Variants in DOCK4 observed in about 807,000 individuals in gnomAD.
DOCK4 encodes the protein dedicator of cytokinesis protein 4.
Under a neutral mutation model 268.1 loss-of-function variants are expected in DOCK4, and 97 were observed. The ratio of observed to expected loss-of-function variants is 0.36; its 90% CI spans 0.31 to 0.43. The LOEUF (loss-of-function observed/expected upper bound fraction) is 0.43. Ranked by LOEUF, DOCK4 falls within the 20% of genes least tolerant of loss-of-function variation. The probability of loss-of-function intolerance (pLI) is 1.00; values close to 1 mark genes in which losing one functional copy is unlikely to be tolerated. For missense variants in DOCK4, 2,145 were observed against 2,455.7 expected (o/e 0.87, Z 2.67); for synonymous variants, 954 against 887.2 (o/e 1.08, Z -1.34).
At chr7:111,842,816 G>C (rs889741363) in intron 25 of DOCK4, among the ~76,000 whole-genome samples, 1 of 152,154 alleles carries the variant, frequency 6.6e-6, no homozygotes, top group African/African-American at 2.4e-5. Context: ...ACCTCACCCA[G>C]CAGTAACAAG....
intron 1 of DOCK4, among the ~76,000 whole-genome samples, chr7:112,181,991 A>G: frequency 6.6e-6 from 1 of 152,170 alleles, no homozygotes; most frequent in East Asian, 1.9e-4. Context: ...AATCTTTTTT[A>G]CCTTTTGAAT....
chr7:112,035,058 A>T (rs182040822), intron 1 of DOCK4, among the ~76,000 whole-genome samples: 6 of 152,292 alleles, frequency 3.9e-5, no homozygotes, highest in African/African-American at 1.4e-4. Flanking sequence ...GTCAACCCAG[A>T]CCCAGGACCC....
chr7:112,162,196 T>A (rs1262500528), intron 1 of DOCK4, among the ~76,000 whole-genome samples: 1 of 151,632 alleles, frequency 6.6e-6, no homozygotes, highest in Non-Finnish European at 1.5e-5. Flanking sequence ...TCTGGAGGAG[T>A]GGTTTCCTGA....
At chr7:111,840,225 C>T (rs2134056468) in intron 25 of DOCK4, among the ~76,000 whole-genome samples, 1 of 152,292 alleles carries the variant, frequency 6.6e-6, no homozygotes, top group Middle Eastern at 3.4e-3. Context: ...TTTTTTTCCA[C>T]ATATTTCTTA....
intron 1 of DOCK4, among the ~76,000 whole-genome samples, chr7:112,190,878 T>C (rs1056816713): frequency 4.6e-5 from 7 of 152,016 alleles, no homozygotes; most frequent in Non-Finnish European, 8.8e-5. Context: ...TACCAACTCC[T>C]TGGACAGGTA....
intron 37 of DOCK4, 78 bp from the exon 38 acceptor site, chr7:111,767,196 G>A: frequency 1.8e-6 from 2 of 1,118,200 alleles, no homozygotes; most frequent in South Asian, 1.3e-5. Context: ...GAACATGAGT[G>A]CTTTCAGAGC....
chr7:111,929,914 C>T (rs1794055634), intron 12 of DOCK4, among the ~76,000 whole-genome samples: 1 of 152,204 alleles, frequency 6.6e-6, no homozygotes, highest in African/African-American at 2.4e-5. Context: ...TCTCTTGGGA[C>T]ATACTGAACC....
chr7:112,062,592 C>T (rs1344283606), intron 1 of DOCK4, among the ~76,000 whole-genome samples: 3 of 152,110 alleles, frequency 2.0e-5, no homozygotes, highest in Admixed American at 1.3e-4. Flanking sequence ...TAGCCAAGGG[C>T]CGACTTAAAA....
chr7:112,103,918 G>T (rs1287938705), intron 1 of DOCK4, among the ~76,000 whole-genome samples: 3 of 152,104 alleles, frequency 2.0e-5, no homozygotes, highest in African/African-American at 7.2e-5. Flanking sequence ...ACTAATGAGT[G>T]TTCTTTAATA....
At chr7:112,003,983 T>C in intron 2 of DOCK4, 65 bp downstream of exon 2, 1 of 1,256,792 alleles carries the variant, frequency 8.0e-7, no homozygotes, top group East Asian at 2.6e-5. Context: ...AATAGCGGTA[T>C]GGACAGAATT....
At chr7:112,024,529 A>G (rs1802607172) in intron 1 of DOCK4, among the ~76,000 whole-genome samples, 1 of 151,982 alleles carries the variant, frequency 6.6e-6, no homozygotes, top group Admixed American at 6.6e-5. Context: ...TCCTCTACCC[A>G]ACCCATCAAC....
At chr7:112,031,850 T>C (rs1001916979) in intron 1 of DOCK4, among the ~76,000 whole-genome samples, 3 of 152,112 alleles carry the variant, frequency 2.0e-5, no homozygotes, top group Non-Finnish European at 2.9e-5. Context: ...AAAAAGTGTC[T>C]CCTGATGAAA....
chr7:111,741,437 G>T, intron 46 of DOCK4, 103 bp downstream of exon 46: 1 of 1,507,230 alleles, frequency 6.6e-7, no homozygotes, highest in Non-Finnish European at 8.9e-7. Context: ...ATTTCATTAA[G>T]AAATAGCGTA....
intron 25 of DOCK4, chr7:111,840,851 C>T: frequency 1.5e-6 from 2 of 1,351,186 alleles, no homozygotes; most frequent in South Asian, 2.3e-5. Flanking sequence ...TGAAGACTCC[C>T]TATTCAGAAA....
intron 8 of DOCK4, among the ~76,000 whole-genome samples, chr7:111,975,158 T>C (rs1017075313): frequency 5.9e-5 from 9 of 152,054 alleles, no homozygotes; most frequent in African/African-American, 1.9e-4. Flanking sequence ...TCCCAGCTAA[T>C]TGGGAGGCTG....
chr7:111,915,775 C>G lies in DOCK4; in HGVS notation c.1192+4G>C, dbSNP rs891006398. 4.3e-6 allele frequency: 7 copies of G among 1,612,678 alleles called. No individual in the cohort carries two copies. The African/African-American group carries it at 9.3e-5, about 22-fold the overall frequency. On this transcript the variant is annotated splice_donor_region_variant and intron_variant, in intron 13 of 52. Transcript: ENST00000428084. Reference sequence around the variant, plus strand: ...ATCATATCGGTACGTCCCAAGTCACCTACCAGGCATAATAATATTTGAAAA... The same window carrying G: ...ATCATATCGGTACGTCCCAAGTCACGTACCAGGCATAATAATATTTGAAAA...
chr7:111,944,919 TA>T lies in DOCK4; in HGVS notation c.784-49del, dbSNP rs770480255. ...TATTTTGGAAGACATGAGCGGCACT[TA>T]AAGGGCATAGCACTTTATTTTCACA... On this transcript the variant is annotated intron_variant, in intron 9 of 52. Coordinates refer to ENST00000428084, the MANE Select transcript of DOCK4 (RefSeq NM_001363540.2). 18 of 1,476,652 alleles carry T rather than the reference TA, an allele frequency of 1.2e-5. No individual in the cohort carries two copies. In the Admixed American group the frequency reaches 2.7e-4, roughly 22 times the overall value. 91.5% of individuals were successfully genotyped at this position (1,476,652 alleles called of 1,614,324 possible). A position where few individuals can be genotyped will look rare whatever the true frequency, so the allele number is the denominator to read the frequency against.
chr7:111,882,023 G>C (rs1053177545), intron 16 of DOCK4, among the ~76,000 whole-genome samples: 1 of 152,100 alleles, frequency 6.6e-6, no homozygotes, highest in African/African-American at 2.4e-5. Flanking sequence ...ACACAACAGG[G>C]TGACTATAGT....
At chr7:111,927,292 A>G (rs999822992) in intron 12 of DOCK4, among the ~76,000 whole-genome samples, 1 of 152,236 alleles carries the variant, frequency 6.6e-6, no homozygotes, top group Non-Finnish European at 1.5e-5. Flanking sequence ...AAAGGCTTTT[A>G]TGTTTTCTCT....
Sources: gnomAD v4.1 joint callset for allele counts (sites outside exome capture counted in the v4.1 genomes callset) on GRCh38, gnomAD v4.1.1 for gene constraint, MANE v1.5 for transcripts, NCBI Gene and HGNC (gene_info 2026-07-23, HGNC 2026-07-21) for gene names.